GOLGB1: variants seen among roughly 807,000 people sequenced by gnomAD.
The protein encoded by GOLGB1 is golgin subfamily B member 1.
Under a neutral mutation model 336.9 loss-of-function variants are expected in GOLGB1, and 174 were observed. The ratio of observed to expected loss-of-function variants is 0.52; its 90% CI spans 0.46 to 0.59. The LOEUF is 0.59. GOLGB1 is among the 20% of genes least tolerant of loss of function. The pLI, the probability that GOLGB1 is intolerant of heterozygous loss-of-function variation, is 0.00. For synonymous variants in GOLGB1, 1,208 were observed against 1,289.2 expected (o/e 0.94, Z 1.35); for missense variants, 3,331 against 3,645.3 (o/e 0.91, Z 2.22).
At chr3:121,733,036 A>G (rs915295637) in intron 1 of GOLGB1, among the ~76,000 whole-genome samples, 3 of 152,170 alleles carry the variant, frequency 2.0e-5, no homozygotes, top group African/African-American at 7.2e-5. Flanking sequence ...ATAAAAGTCA[A>G]CTGCAGGCCA....
At chr3:121,716,326 A>C (rs1944773269) in intron 9 of GOLGB1, among the ~76,000 whole-genome samples, 1 of 152,216 alleles carries the variant, frequency 6.6e-6, no homozygotes, top group Non-Finnish European at 1.5e-5. Context: ...CACCTATAAG[A>C]AAAGCACTGA....
At chr3:121,688,049 A>T (rs1941939136) in intron 14 of GOLGB1, among the ~76,000 whole-genome samples, 1 of 152,226 alleles carries the variant, frequency 6.6e-6, no homozygotes. Flanking sequence ...TGGGATATTA[A>T]GTGAGATAGG....
chr3:121,706,171 G>A (rs1459552332), intron 10 of GOLGB1, among the ~76,000 whole-genome samples: 2 of 151,708 alleles, frequency 1.3e-5, no homozygotes, highest in Non-Finnish European at 2.9e-5. Context: ...CCATTAATGA[G>A]TTTTGGAACA....
chr3:121,687,197 G>T (rs1449752300), intron 14 of GOLGB1, among the ~76,000 whole-genome samples: 1 of 152,144 alleles, frequency 6.6e-6, no homozygotes, highest in Non-Finnish European at 1.5e-5. Flanking sequence ...GGGAGGCGGA[G>T]GTTGCAGTGA....
chr3:121,727,568 C>T (rs964867580), intron 4 of GOLGB1, among the ~76,000 whole-genome samples: 22 of 151,700 alleles, frequency 1.5e-4, no homozygotes, highest in Non-Finnish European at 4.4e-5. Flanking sequence ...GTCTTGTTGC[C>T]TTGAAGAATC....
intron 1 of GOLGB1, among the ~76,000 whole-genome samples, chr3:121,738,438 G>T (rs1346463079): frequency 1.3e-5 from 2 of 152,168 alleles, no homozygotes; most frequent in African/African-American, 2.4e-5. Flanking sequence ...AATAAACGTG[G>T]ATATAGACAA....
rs760153434 is a variant in GOLGB1, at chr3:121,692,490, T to G, written c.6874A>C (p.Lys2292Gln). 6.2e-7 allele frequency: 1 copy of G among 1,614,050 alleles called. No homozygotes were observed. The highest frequency in any genetic ancestry group is 1.7e-5 in the Admixed American group (1 of 60,006). Residue 2292 changes from lysine (K) to glutamine (Q), a missense_variant, in exon 14 of 22, where the codon AAA becomes CAA. Lys to Gln is a moderately conservative substitution (Grantham distance 53, BLOSUM62 1). Transcript: ENST00000614479. ...KVCDTLQGEN[K>Q]ELLSQLEETR... The stretch of plus-strand genomic sequence containing the variant: ...TCTTCTAGCTGGGACAAAAGTTCTT[T>G]GTTTTCCCCCTGTAGAGTATCACAG...
At chr3:121,725,945 A>G (rs1409631376) in intron 5 of GOLGB1, among the ~76,000 whole-genome samples, 1 of 152,012 alleles carries the variant, frequency 6.6e-6, no homozygotes, top group African/African-American at 2.4e-5. Flanking sequence ...CAGTCCCTCA[A>G]CTTTAGACTT....
chr3:121,703,266 C>T (rs1943554370), intron 10 of GOLGB1, among the ~76,000 whole-genome samples: 7 of 152,136 alleles, frequency 4.6e-5, no homozygotes, highest in Admixed American at 1.3e-4. Context: ...GCATATTTGA[C>T]CCCGAAATCT....
chr3:121,673,348 C>T (rs1017858426), intron 17 of GOLGB1, among the ~76,000 whole-genome samples: 3 of 116,538 alleles, frequency 2.6e-5, no homozygotes, highest in Non-Finnish European at 3.6e-5. Flanking sequence ...GGATTACAGG[C>T]ATAAGCCACC....
In GOLGB1 at chr3:121,723,149, T is replaced by A. The variant is rs530104166; in HGVS notation, c.532-771A>T. 3.3e-5 allele frequency among the ~76,000 whole-genome samples: 5 copies of A among 152,326 alleles called. No individual in the cohort carries two copies. The East Asian group carries it at 9.6e-4, about 29-fold the overall frequency. On this transcript the variant is annotated intron_variant, in intron 5 of 21. Transcript: ENST00000614479. ...GTGGATATAGAGGGCTTAAAATGGG[T>A]CTGATAGAAAAGAAATATTTTTAAT...
intron 10 of GOLGB1, among the ~76,000 whole-genome samples, chr3:121,703,122 T>C (rs913163059): frequency 6.6e-6 from 1 of 152,252 alleles, no homozygotes; most frequent in Non-Finnish European, 1.5e-5. Flanking sequence ...TTGGTTTTCC[T>C]AAGGATAGGC....
intron 17 of GOLGB1, among the ~76,000 whole-genome samples, chr3:121,674,816 G>A (rs1940098723): frequency 1.3e-5 from 2 of 151,336 alleles, no homozygotes; most frequent in Admixed American, 6.6e-5. Flanking sequence ...CTAGGAATGA[G>A]GTGCCTTTCT....
rs762682165 is a variant in GOLGB1, at chr3:121,697,979, C to G, written c.2544G>C (p.Lys848Asn). 6.2e-7 allele frequency: 1 copy of G among 1,614,052 alleles called. No individual in the cohort carries two copies. The highest frequency in any genetic ancestry group is 2.2e-5 in the East Asian group (1 of 44,882). ...IRSLQSQLQN[K>N]ESEVLEGAER... ...CTGCCCCCTCAAGCACTTCACTTTC[C>G]TTATTTTGCAGCTGGCTTTGCAGGC... The change falls in exon 13 of 22, where the codon AAG (lysine) becomes AAC (asparagine). Residue 848 changes from lysine (K) to asparagine (N), a missense_variant. Transcript: ENST00000614479.
In GOLGB1 at chr3:121,730,952, C is replaced by T. The variant is rs149647406; in HGVS notation, c.20G>A (p.Gly7Glu). MLSRLS[G>E]LANVVLHELS... Reference sequence around the variant, plus strand: ...TTCATGCAAAACAACATTTGCTAATCCTGATAATCGGCTCAGCATTTCTGT... The same window carrying T: ...TTCATGCAAAACAACATTTGCTAATTCTGATAATCGGCTCAGCATTTCTGT... The change falls in exon 2 of 22, where the codon GGA becomes GAA. Residue 7 changes from glycine to glutamate, a missense_variant. Transcript: ENST00000614479. 113 of 1,612,932 alleles carry T rather than the reference C, an allele frequency of 7.0e-5. No homozygotes were observed. Among genetic ancestry groups the T allele is most frequent in the Non-Finnish European group, 9.1e-5 (107 of 1,179,674 alleles).
chr3:121,722,801 A>C (rs893316323), intron 5 of GOLGB1, among the ~76,000 whole-genome samples: 9 of 152,326 alleles, frequency 5.9e-5, no homozygotes, highest in Admixed American at 5.9e-4. Flanking sequence ...GGTCTGAGAA[A>C]GGGACAGCCC....
rs1269895142 is a variant in GOLGB1, at chr3:121,694,563, A to C, written c.5960T>G (p.Val1987Gly). The C allele has an allele frequency of 1.2e-6, 2 of 1,612,232 alleles. No individual in the cohort carries two copies. Among genetic ancestry groups the C allele is most frequent in the Non-Finnish European group, 1.7e-6 (2 of 1,179,868 alleles). Residue 1987 changes from valine to glycine, a missense_variant, in exon 13 of 22, where the codon GTG becomes GGG. By Grantham distance (109) the Val-to-Gly change is moderately radical (BLOSUM62 -3). Transcript: ENST00000614479. ...ATATTCCTTTCGTATTTCTGATTCC[A>C]CCTTAGTTTTTTCCTTGACTAACTG... ...KQQLVKEKTK[V>G]ESEIRKEYLE...
chr3:121,689,622 G>A (rs1471316889), intron 14 of GOLGB1, among the ~76,000 whole-genome samples: 1 of 141,992 alleles, frequency 7.0e-6, no homozygotes, highest in African/African-American at 2.6e-5. Flanking sequence ...ATCCCCCTCT[G>A]TGAGAAACAC....
At chr3:121,676,222 G>C (rs1014501346) in intron 17 of GOLGB1, among the ~76,000 whole-genome samples, 1 of 152,200 alleles carries the variant, frequency 6.6e-6, no homozygotes, top group Admixed American at 6.5e-5. Context: ...ATTTCAGACT[G>C]ACTTCGTCCT....
Sources: gnomAD v4.1 joint callset for allele counts (sites outside exome capture counted in the v4.1 genomes callset) on GRCh38, gnomAD v4.1.1 for gene constraint, MANE v1.5 for transcripts, NCBI Gene and HGNC (gene_info 2026-07-23, HGNC 2026-07-21) for gene names.